The following CRBN variants were observed in gnomAD, a reference collection of about 807,000 sequenced individuals.
CRBN encodes the protein protein cereblon.
A neutral mutation model predicts 62.2 loss-of-function variants in CRBN; 53 were observed. That is an observed-to-expected ratio of 0.85 (90% CI 0.68 to 1.07). The LOEUF (loss-of-function observed/expected upper bound fraction) is 1.07, where lower values mean the gene tolerates loss of function less well. Ranked by LOEUF, CRBN falls within the 50% of genes least tolerant of loss-of-function variation. The pLI is 0.00. For missense variants in CRBN, 616 were observed against 531.1 expected (o/e 1.16, Z -1.57); for synonymous variants, 208 against 176.1 (o/e 1.18, Z -1.43).
intron 5 of CRBN, among the ~76,000 whole-genome samples, chr3:3,158,612 G>A (rs1020847154): frequency 2.0e-5 from 3 of 152,164 alleles, no homozygotes; most frequent in Admixed American, 6.5e-5. Context: ...GAACAGCAAT[G>A]GCAACCATTA....
At chr3:3,161,407 T>C (rs1232443525) in intron 5 of CRBN, among the ~76,000 whole-genome samples, 3 of 152,212 alleles carry the variant, frequency 2.0e-5, no homozygotes, top group Admixed American at 6.5e-5. Context: ...TGATACTACA[T>C]TGCCTGTCAG....
intron 4 of CRBN, among the ~76,000 whole-genome samples, chr3:3,169,175 A>G (rs1707495171): frequency 6.6e-6 from 1 of 152,228 alleles, no homozygotes; most frequent in African/African-American, 2.4e-5. Flanking sequence ...AGTCTGCAGT[A>G]CAAACTGTCT....
rs145677795 is a variant in CRBN, at chr3:3,163,211, A to T, written c.687+4423T>A. ...ACCTAAGAAACTCTATCAATGTTTA[A>T]GCAAGGGAACCCTGTAGATAACCTG... On this transcript the variant is annotated intron_variant, in intron 5 of 10. Transcript: ENST00000231948. Among the ~76,000 whole-genome samples the T allele has an allele frequency of 2.8e-4, 42 of 152,344 alleles. No individual in the cohort carries two copies. In the Middle Eastern group the frequency reaches 0.014, roughly 49 times the overall value.
rs56259580 is a variant in CRBN at position 3,158,871 on chromosome 3, T to C, written c.688-2590A>G. Reference sequence around the variant, plus strand: ...GTCCCCACCCAAATCTCATCTTGAATTGTAGTTCCCATAATCCCCATGTGT... The same window carrying C: ...GTCCCCACCCAAATCTCATCTTGAACTGTAGTTCCCATAATCCCCATGTGT... On this transcript the variant is annotated intron_variant, in intron 5 of 10. Coordinates refer to ENST00000231948, the MANE Select transcript of CRBN (RefSeq NM_016302.4). Among the ~76,000 whole-genome samples the C allele has an allele frequency of 8.1e-3, 1,232 of 152,288 alleles. 12 individuals carry two copies. Among genetic ancestry groups the C allele is most frequent in the Non-Finnish European group, 0.011 (726 of 68,016 alleles).
chr3:3,172,996 C>G, intron 3 of CRBN, 71 bp from the exon 4 acceptor site: 1 of 1,080,752 alleles, frequency 9.3e-7, no homozygotes, highest in South Asian at 1.2e-5. Flanking sequence ...GTAGGCAAAG[C>G]AATAAATACA....
chr3:3,151,085 C>T, intron 10 of CRBN, 40 bp from the exon 11 acceptor site: 1 of 1,602,394 alleles, frequency 6.2e-7, no homozygotes, highest in Non-Finnish European at 8.5e-7. Context: ...GGAAACATTT[C>T]TGTACTCCAA....
chr3:3,158,272 C>G (rs1046846571), intron 5 of CRBN, among the ~76,000 whole-genome samples: 7 of 152,194 alleles, frequency 4.6e-5, no homozygotes, highest in African/African-American at 7.2e-5. Context: ...TGCCACTGAT[C>G]TGATAAGAGG....
rs1480157421 is a variant in CRBN at position 3,174,216 on chromosome 3, C to T, written c.220G>A (p.Asp74Asn). The change falls in exon 3 of 11, where the codon GAT (aspartate) becomes AAT (asparagine). Residue 74 changes from aspartate to asparagine, a missense_variant. Transcript: ENST00000231948. Reference protein sequence around the residue: ...MEEFHGRTLHDDDSCQVIPVL... With the variant: ...MEEFHGRTLHNDDSCQVIPVL... Reference sequence around the variant, plus strand: ...GGAATCACCTGACAGCTGTCGTCATCGTGCAAAGTCCTGCCATGAAATTCT... The same window carrying T: ...GGAATCACCTGACAGCTGTCGTCATTGTGCAAAGTCCTGCCATGAAATTCT... 5 of 1,614,038 alleles carry T rather than the reference C, an allele frequency of 3.1e-6. No individual in the cohort carries two copies. Among genetic ancestry groups the T allele is most frequent in the African/African-American group, 2.7e-5 (2 of 74,916 alleles).
intron 5 of CRBN, among the ~76,000 whole-genome samples, chr3:3,158,999 A>T (rs1707026543): frequency 6.6e-6 from 1 of 152,086 alleles, no homozygotes; most frequent in African/African-American, 2.4e-5. Context: ...TTTTATTAAG[A>T]CGGTTTTGAC....
Position 3,152,590 on chromosome 3 carries a change from AAAAC to A in CRBN, c.1017-7_1017-4del, listed in dbSNP as rs773438691. Reference sequence around the variant, plus strand: ...CCATCGGCCCACATAAGGATAAACTAAAACAAAGAATCAACATGGAGAACACGTC... The same window carrying A: ...CCATCGGCCCACATAAGGATAAACTAAAAGAATCAACATGGAGAACACGTC... On this transcript the variant is annotated splice_region_variant and splice_polypyrimidine_tract_variant and intron_variant, in intron 9 of 10. Transcript: ENST00000231948. 13 of 1,613,986 alleles carry A rather than the reference AAAAC, an allele frequency of 8.1e-6. No homozygotes were observed. Among genetic ancestry groups the A allele is most frequent in the Admixed American group, 1.7e-5 (1 of 59,970 alleles).
intron 6 of CRBN, chr3:3,155,117 G>T: frequency 2.3e-6 from 1 of 428,008 alleles, no homozygotes; most frequent in South Asian, 2.9e-5. Context: ...CTTGGAACTG[G>T]CCTCTCTTCT....
chr3:3,153,719 TAGTG>T, intron 8 of CRBN: 1 of 613,614 alleles, frequency 1.6e-6, no homozygotes, highest in Non-Finnish European at 2.9e-6. Context: ...AGTAAAGGAA[TAGTG>T]ATATATAACC....
intron 5 of CRBN, among the ~76,000 whole-genome samples, chr3:3,165,355 C>T (rs559563148): frequency 6.6e-6 from 1 of 152,182 alleles, no homozygotes. Context: ...TAAATGCTAT[C>T]AAACAGCGCC....
At chr3:3,151,479 C>T (rs1178882876) in intron 10 of CRBN, among the ~76,000 whole-genome samples, 1 of 130,344 alleles carries the variant, frequency 7.7e-6, no homozygotes, top group East Asian at 2.0e-4. Flanking sequence ...CCAGGAAGGA[C>T]ACGTCTCAAA....
At chr3:3,179,032 G>C (rs936874308) in intron 1 of CRBN, among the ~76,000 whole-genome samples, 1 of 152,156 alleles carries the variant, frequency 6.6e-6, no homozygotes. Context: ...ACAAAACAGA[G>C]AAGTGGTTTA....
In CRBN at chr3:3,154,003, C is replaced by T; in HGVS notation, c.908G>A (p.Ser303Asn). ...TTCACAGCGAAGTCGCTGGATAGCA[C>T]TGCCAATTTTAAGGAGCTGAATTCT... ...VLRIQLLKIGSAIQRLRCELD... is the reference protein window; with the variant it reads ...VLRIQLLKIGNAIQRLRCELD... The change falls in exon 8 of 11, where the codon AGT (serine) becomes AAT (asparagine). Residue 303 changes from serine (S) to asparagine (N), a missense_variant. Transcript: ENST00000231948. 6 of 1,613,474 alleles carry T rather than the reference C, an allele frequency of 3.7e-6. No individual in the cohort carries two copies. Among genetic ancestry groups the T allele is most frequent in the Non-Finnish European group, 5.1e-6 (6 of 1,179,434 alleles).
At chr3:3,154,667 T>C (rs532571439) in intron 7 of CRBN, 80 bp downstream of exon 7, 3 of 795,422 alleles carry the variant, frequency 3.8e-6, no homozygotes, top group Non-Finnish European at 6.8e-6. Flanking sequence ...CTAGAAGATA[T>C]GATTGGATCG....
intron 1 of CRBN, among the ~76,000 whole-genome samples, 187 bp from the exon 2 acceptor site, chr3:3,175,456 T>A (rs1332458235): frequency 7.0e-6 from 1 of 143,312 alleles, no homozygotes; most frequent in Non-Finnish European, 1.5e-5. Flanking sequence ...TTTTTTTTTT[T>A]AAGTCAACTG....
In CRBN at chr3:3,167,564, C is replaced by G. The variant is rs548971413; in HGVS notation, c.687+70G>C. 1.3e-4 allele frequency: 195 copies of G among 1,452,978 alleles called. 3 individuals carry two copies. In the South Asian group the frequency reaches 1.9e-3, roughly 14 times the overall value. 90.0% of individuals were successfully genotyped at this position (1,452,978 alleles called of 1,614,324 possible). ...GTAATGAATCATGAAAGTTGTGTTTCTTTCTTAAAACAGGAAAAAAAACAA... is the reference window on the plus strand; with the variant it reads ...GTAATGAATCATGAAAGTTGTGTTTGTTTCTTAAAACAGGAAAAAAAACAA... On this transcript the variant is annotated intron_variant, in intron 5 of 10. Coordinates refer to ENST00000231948, the MANE Select transcript of CRBN (RefSeq NM_016302.4).
Sources: allele counts gnomAD v4.1 joint callset (sites outside exome capture counted in the v4.1 genomes callset), GRCh38; gene constraint gnomAD v4.1.1; transcripts MANE v1.5; gene names NCBI Gene and HGNC (gene_info 2026-07-23, HGNC 2026-07-21).